Variants in CPB2 observed in about 807,000 individuals in gnomAD.
CPB2 encodes the protein carboxypeptidase B2.
CPB2 carries 54 observed loss-of-function variants against 57.0 expected under a neutral mutation model. That is an observed-to-expected ratio of 0.95 (90% CI 0.76 to 1.19). The LOEUF is 1.19. Among genes scored for constraint, CPB2 ranks in the 50% most tolerant of loss-of-function variants. The pLI is 0.00. For missense variants in CPB2, 426 were observed against 512.0 expected (o/e 0.83, Z 1.62); for synonymous variants, 189 against 178.1 (o/e 1.06, Z -0.49).
chr13:46,061,628 C>A (rs543479275), intron 8 of CPB2, among the ~76,000 whole-genome samples: 1 of 152,182 alleles, frequency 6.6e-6, no homozygotes, highest in Non-Finnish European at 1.5e-5. Flanking sequence ...AGGAAGACCT[C>A]ACTCTGCTGG....
intron 6 of CPB2, among the ~76,000 whole-genome samples, chr13:46,068,609 G>A (rs1456601813): frequency 6.6e-6 from 1 of 151,996 alleles, no homozygotes; most frequent in Non-Finnish European, 1.5e-5. Flanking sequence ...TTGTTACATA[G>A]TTATACACGT....
At chr13:46,061,937 T>C (rs1377566232) in intron 8 of CPB2, among the ~76,000 whole-genome samples, 1 of 152,130 alleles carries the variant, frequency 6.6e-6, no homozygotes, top group African/African-American at 2.4e-5. Flanking sequence ...ATTAAATTCT[T>C]CTTTCTCACT....
At chr13:46,071,247 G>A (rs894160384) in intron 6 of CPB2, among the ~76,000 whole-genome samples, 1 of 152,098 alleles carries the variant, frequency 6.6e-6, no homozygotes, top group Non-Finnish European at 1.5e-5. Context: ...AAATTAAAAT[G>A]ATATAGATCT....
At chr13:46,086,500 C>T (rs1002820203) in intron 2 of CPB2, among the ~76,000 whole-genome samples, 8 of 152,172 alleles carry the variant, frequency 5.3e-5, no homozygotes, top group Non-Finnish European at 1.0e-4. Context: ...TGGTCCTCCC[C>T]ATGTCTCTCC....
At chr13:46,092,294 C>G (rs567835736) in intron 1 of CPB2, among the ~76,000 whole-genome samples, 1 of 152,222 alleles carries the variant, frequency 6.6e-6, no homozygotes, top group Non-Finnish European at 1.5e-5. Flanking sequence ...TGGATTAGAT[C>G]TCGGAACAGA....
Position 46,087,814 on chromosome 13 carries a change from T to C in CPB2, c.81A>G (p.Gln27=). Residue 27 remains glutamine (Q), a synonymous_variant, in exon 2 of 11, where the codon CAA becomes CAG. Transcript: ENST00000181383. ...EQHVFAFQSG[Q]VLAALPRTSR... is the part of the protein sequence containing the mutation. ...AGGTTCTAGGAAGAGCAGCTAGAAC[T>C]TGGCCACTGGGGAAAAAAATAAAAG... The C allele has an allele frequency of 6.2e-7, 1 of 1,607,602 alleles. No individual in the cohort carries two copies. The highest frequency in any genetic ancestry group is 8.5e-7 in the Non-Finnish European group (1 of 1,176,272).
At chr13:46,081,942 A>G (rs2045124448) in intron 4 of CPB2, among the ~76,000 whole-genome samples, 1 of 152,222 alleles carries the variant, frequency 6.6e-6, no homozygotes, top group African/African-American at 2.4e-5. Context: ...CCAATTTCTT[A>G]CAGATTAAAA....
chr13:46,087,878 AT>A, intron 1 of CPB2, 58 bp from the exon 2 acceptor site: 1 of 1,188,504 alleles, frequency 8.4e-7, no homozygotes, highest in Non-Finnish European at 1.2e-6. Flanking sequence ...GATGGAATAT[AT>A]TATACTGTGA....
intron 9 of CPB2, among the ~76,000 whole-genome samples, chr13:46,056,592 C>T (rs1467592300): frequency 2.0e-5 from 3 of 152,190 alleles, no homozygotes; most frequent in Admixed American, 6.5e-5. Context: ...AATGTAACCC[C>T]ATTGTCTACA....
intron 3 of CPB2, among the ~76,000 whole-genome samples, chr13:46,083,764 G>A (rs1278878236): frequency 1.3e-5 from 2 of 152,160 alleles, no homozygotes; most frequent in Non-Finnish European, 2.9e-5. Context: ...ACTAACCCGA[G>A]GTCTCTGCAG....
chr13:46,097,734 C>T (rs916770544), intron 1 of CPB2, among the ~76,000 whole-genome samples: 12 of 152,210 alleles, frequency 7.9e-5, no homozygotes, highest in Admixed American at 6.5e-5. Context: ...AATCAATACT[C>T]ATGTGGTGCT....
chr13:46,100,865 G>T (rs1055996495), intron 1 of CPB2: 1 of 152,204 alleles, frequency 6.6e-6, no homozygotes, highest in African/African-American at 2.4e-5. Flanking sequence ...AGAAGCATCT[G>T]TCCTGGTCCA....
intron 6 of CPB2, among the ~76,000 whole-genome samples, chr13:46,071,787 G>A (rs1391328138): frequency 6.6e-6 from 1 of 152,202 alleles, no homozygotes; most frequent in African/African-American, 2.4e-5. Flanking sequence ...TCTACTTGAA[G>A]GAGCCACCAG....
intron 10 of CPB2, 51 bp from the exon 11 acceptor site, chr13:46,053,849 T>C (rs1267894639): frequency 6.5e-7 from 1 of 1,529,078 alleles, no homozygotes; most frequent in Non-Finnish European, 9.0e-7. Flanking sequence ...CAAATTAATT[T>C]ACAAACTGGG....
At chr13:46,094,601 T>A (rs185579439) in intron 1 of CPB2, among the ~76,000 whole-genome samples, 1 of 152,238 alleles carries the variant, frequency 6.6e-6, no homozygotes, top group Admixed American at 6.5e-5. Context: ...GCGGGAGGGC[T>A]TAACCACCAG....
chr13:46,101,600 G>A (rs963686361), intron 1 of CPB2, among the ~76,000 whole-genome samples: 4 of 152,168 alleles, frequency 2.6e-5, no homozygotes, highest in Non-Finnish European at 5.9e-5. Context: ...TTTCAACTGC[G>A]TCTCTGAATG....
intron 6 of CPB2, among the ~76,000 whole-genome samples, chr13:46,071,131 G>T (rs1292176592): frequency 6.6e-6 from 1 of 152,096 alleles, no homozygotes; most frequent in Non-Finnish European, 1.5e-5. Flanking sequence ...GAGTGTTTGG[G>T]GTTGGAACTC....
At chr13:46,104,865 TG>T in intron 1 of CPB2, 70 bp downstream of exon 1, 1 of 1,584,802 alleles carries the variant, frequency 6.3e-7, no homozygotes, top group Non-Finnish European at 8.7e-7. Flanking sequence ...CTCAGTGCAC[TG>T]ACTTGACACG....
chr13:46,099,555 G>T (rs755153080), intron 1 of CPB2: 13 of 152,212 alleles, frequency 8.5e-5, no homozygotes, highest in Non-Finnish European at 1.5e-4. Flanking sequence ...ATTATCTAAA[G>T]AGATGCTGAA....
Sources: gnomAD v4.1 joint callset for allele counts (sites outside exome capture counted in the v4.1 genomes callset) on GRCh38, gnomAD v4.1.1 for gene constraint, MANE v1.5 for transcripts, NCBI Gene and HGNC (gene_info 2026-07-23, HGNC 2026-07-21) for gene names.